Variants in CSMD1 observed in about 807,000 individuals in gnomAD.
CSMD1 encodes the protein CUB and sushi domain-containing protein 1.
In CSMD1, 213 loss-of-function variants were observed where a neutral mutation model predicts 417.5. The observed-to-expected ratio is 0.51, with a 90% CI of 0.46 to 0.57. The LOEUF (loss-of-function observed/expected upper bound fraction) is 0.57, where lower values mean the gene tolerates loss of function less well. Ranked by LOEUF, CSMD1 falls within the 20% of genes least tolerant of loss-of-function variation. The pLI is 0.00. For missense variants in CSMD1, 6,923 were observed against 4,529.7 expected (o/e 1.53, Z -15.17); for synonymous variants, 2,862 against 1,736.8 (o/e 1.65, Z -16.11).
At chr8:3,167,979 A>T (rs774457433) in intron 37 of CSMD1, among the ~76,000 whole-genome samples, 1 of 152,230 alleles carries the variant, frequency 6.6e-6, no homozygotes, top group Non-Finnish European at 1.5e-5. Flanking sequence ...GATATTATGA[A>T]CTGAAATGAC....
intron 2 of CSMD1, among the ~76,000 whole-genome samples, chr8:4,504,976 A>G (rs956537060): frequency 2.0e-5 from 3 of 152,220 alleles, no homozygotes; most frequent in Non-Finnish European, 2.9e-5. Flanking sequence ...AGAATGATTT[A>G]TAATCCTTTG....
intron 3 of CSMD1, among the ~76,000 whole-genome samples, chr8:4,190,112 A>G (rs1397475803): frequency 2.6e-5 from 4 of 151,850 alleles, no homozygotes; most frequent in South Asian, 4.2e-4. Context: ...ACAAAAAATG[A>G]GCCGGGCGTG....
At chr8:4,165,669 C>T (rs1402927238) in intron 3 of CSMD1, among the ~76,000 whole-genome samples, 1 of 152,166 alleles carries the variant, frequency 6.6e-6, no homozygotes, top group Non-Finnish European at 1.5e-5. Flanking sequence ...TCCCAAAGTG[C>T]CGGAATTACA....
Position 3,714,561 on chromosome 8 carries a change from C to CA in CSMD1, c.932-6071dup, listed in dbSNP as rs61494901. On this transcript the variant is annotated intron_variant, in intron 6 of 69. Coordinates refer to ENST00000635120, the MANE Select transcript of CSMD1 (RefSeq NM_033225.6). ...ACATGGCGAAACCCCATCTCTATCC[C>CA]AAAAAAAAAAAAAAAAAAAATTAGC... Among the ~76,000 whole-genome samples, 213 of 70,602 alleles carry CA rather than the reference C, an allele frequency of 3.0e-3. 1 individual carries two copies. Among genetic ancestry groups the CA allele is most frequent in the African/African-American group, 8.5e-3 (155 of 18,168 alleles). 46.3% of individuals were successfully genotyped at this position (70,602 alleles called of 152,430 possible).
rs899725890 is a variant in CSMD1, at chr8:4,419,888, C to T, written c.415+65G>A. 4.6e-6 allele frequency: 5 copies of T among 1,086,202 alleles called. No individual in the cohort carries two copies. In the African/African-American group the frequency reaches 6.3e-5, roughly 14 times the overall value. 67.3% of individuals were successfully genotyped at this position (1,086,202 alleles called of 1,614,324 possible). On this transcript the variant is annotated intron_variant, in intron 3 of 69. Transcript: ENST00000635120. ...GCAGCCTAGTTTGTCATTATTAATC[C>T]AGTGTAGCATGTATTAGATCATTTG...
intron 1 of CSMD1, among the ~76,000 whole-genome samples, chr8:4,759,161 T>A (rs1386133155): frequency 6.6e-6 from 1 of 152,204 alleles, no homozygotes; most frequent in Non-Finnish European, 1.5e-5. Context: ...GGCCTCAGCC[T>A]GCCTGCAGCT....
In CSMD1 at chr8:4,586,318, T is replaced by C. The variant is rs1425854040; in HGVS notation, c.302+51024A>G. On this transcript the variant is annotated intron_variant, in intron 2 of 69. Coordinates refer to ENST00000635120, the MANE Select transcript of CSMD1 (RefSeq NM_033225.6). ...CCAATTTTTCCCCAGGCAATTCCCATTGGCAGTGACTAATTGCTTGTGTAG... is the reference window on the plus strand; with the variant it reads ...CCAATTTTTCCCCAGGCAATTCCCACTGGCAGTGACTAATTGCTTGTGTAG... Among the ~76,000 whole-genome samples, 4 of 152,348 alleles carry C rather than the reference T, an allele frequency of 2.6e-5. No individual in the cohort carries two copies. The East Asian group carries it at 5.8e-4, about 22-fold the overall frequency.
rs750319753 is a variant in CSMD1 at position 3,047,574 on chromosome 8, T to C, written c.7660+4888A>G. The stretch of plus-strand genomic sequence containing the variant: ...CTCGCTGTGCCCATGGAACTCACCA[T>C]CTCACATGCTGTCCTGATGGAATCC... On this transcript the variant is annotated intron_variant, in intron 50 of 69. Coordinates refer to ENST00000635120, the MANE Select transcript of CSMD1 (RefSeq NM_033225.6). Among the ~76,000 whole-genome samples the C allele has an allele frequency of 5.9e-5, 9 of 152,186 alleles. No homozygotes were observed. The South Asian group carries it at 1.0e-3, about 17-fold the overall frequency.
intron 54 of CSMD1, among the ~76,000 whole-genome samples, chr8:2,992,490 C>T (rs1335276982): frequency 1.3e-5 from 2 of 151,934 alleles, no homozygotes; most frequent in East Asian, 1.9e-4. Context: ...GTGGCGTGAT[C>T]TTGGCTCACT....
intron 26 of CSMD1, among the ~76,000 whole-genome samples, chr8:3,243,099 G>A (rs773934001): frequency 6.6e-6 from 1 of 152,144 alleles, no homozygotes; most frequent in Non-Finnish European, 1.5e-5. Flanking sequence ...TTGAAGGGTG[G>A]CGACAAGATT....
At chr8:3,843,048 T>C (rs767160871) in intron 5 of CSMD1, among the ~76,000 whole-genome samples, 1 of 152,218 alleles carries the variant, frequency 6.6e-6, no homozygotes, top group Non-Finnish European at 1.5e-5. Context: ...ATTTTGCACA[T>C]GATAAATGTT....
At chr8:4,143,181 G>C (rs1448256964) in intron 3 of CSMD1, among the ~76,000 whole-genome samples, 1 of 151,090 alleles carries the variant, frequency 6.6e-6, no homozygotes. Flanking sequence ...TTCAAAACAG[G>C]TAAGTGCTGA....
At chr8:4,821,926 G>GCAAA in intron 1 of CSMD1, among the ~76,000 whole-genome samples, 7 of 151,908 alleles carry the variant, frequency 4.6e-5, no homozygotes, top group African/African-American at 1.7e-4. Context: ...GCCTGCTTCA[G>GCAAA]GTATTTTTAA....
intron 41 of CSMD1, among the ~76,000 whole-genome samples, chr8:3,141,829 G>A (rs573774875): frequency 4.9e-4 from 74 of 150,128 alleles, no homozygotes; most frequent in African/African-American, 1.7e-3. Flanking sequence ...ATGGAGTCTG[G>A]CTCTGTCGCC....
intron 41 of CSMD1, among the ~76,000 whole-genome samples, chr8:3,124,915 A>T (rs1817411401): frequency 6.6e-6 from 1 of 152,256 alleles, no homozygotes; most frequent in African/African-American, 2.4e-5. Context: ...TGTAAACTAT[A>T]CACTAAGTAA....
intron 7 of CSMD1, among the ~76,000 whole-genome samples, chr8:3,689,119 C>A (rs1367448573): frequency 2.0e-5 from 3 of 152,154 alleles, no homozygotes; most frequent in Non-Finnish European, 4.4e-5. Flanking sequence ...AGCAACCAAA[C>A]AACTCCATGC....
chr8:4,397,417 C>A (rs1804314627), intron 3 of CSMD1, among the ~76,000 whole-genome samples: 1 of 149,712 alleles, frequency 6.7e-6, no homozygotes, highest in South Asian at 2.2e-4. Flanking sequence ...AATAAGAAAT[C>A]ATTAGGAACA....
chr8:3,235,262 T>A (rs1053723941), intron 26 of CSMD1, among the ~76,000 whole-genome samples: 2 of 152,216 alleles, frequency 1.3e-5, no homozygotes, highest in African/African-American at 2.4e-5. Context: ...AGTTTCATTA[T>A]AATTTTTAAA....
intron 7 of CSMD1, among the ~76,000 whole-genome samples, chr8:3,636,731 G>A (rs1177516245): frequency 6.6e-6 from 1 of 152,214 alleles, no homozygotes. Flanking sequence ...GGGAGCAGCT[G>A]GCTCAGCGAG....
Sources: allele counts gnomAD v4.1 joint callset (sites outside exome capture counted in the v4.1 genomes callset), GRCh38; gene constraint gnomAD v4.1.1; transcripts MANE v1.5; gene names NCBI Gene and HGNC (gene_info 2026-07-23, HGNC 2026-07-21).